Variants in ATP10A observed in about 807,000 individuals in gnomAD.
ATP10A encodes ATPase phospholipid transporting 10A (putative).
In ATP10A, 111 loss-of-function variants were observed where a neutral mutation model predicts 147.8. That is an observed-to-expected ratio of 0.75 (90% confidence interval 0.64 to 0.88). The LOEUF is 0.88. Among genes scored for constraint, ATP10A ranks in the 40% least tolerant of loss-of-function variants. ATP10A has a pLI of 0.00. For synonymous variants in ATP10A, 875 were observed against 841.6 expected (o/e 1.04, Z -0.69); for missense variants, 1,927 against 1,959.0 (o/e 0.98, Z 0.31).
At chr15:25,750,852 T>A (rs1888120793) in intron 2 of ATP10A, among the ~76,000 whole-genome samples, 1 of 151,916 alleles carries the variant, frequency 6.6e-6, no homozygotes, top group Non-Finnish European at 1.5e-5. Flanking sequence ...GAATTAAAGA[T>A]GTATCCAACA....
At chr15:25,702,538 G>A (rs1384352447) in intron 12 of ATP10A, among the ~76,000 whole-genome samples, 1 of 152,192 alleles carries the variant, frequency 6.6e-6, no homozygotes, top group Non-Finnish European at 1.5e-5. Flanking sequence ...TCTGGTGAAT[G>A]AAATTCAGAA....
At chr15:25,807,608 G>C (rs1048370581) in intron 1 of ATP10A, among the ~76,000 whole-genome samples, 9 of 152,094 alleles carry the variant, frequency 5.9e-5, no homozygotes, top group Non-Finnish European at 8.8e-5. Context: ...TTCGAGACCA[G>C]CCTGGCCAAC....
chr15:25,750,242 A>G (rs1888073931), intron 2 of ATP10A, among the ~76,000 whole-genome samples: 1 of 152,162 alleles, frequency 6.6e-6, no homozygotes, highest in Admixed American at 6.5e-5. Context: ...ATAAGAGCAG[A>G]TATTTCATTA....
intron 1 of ATP10A, among the ~76,000 whole-genome samples, chr15:25,804,326 G>A (rs947173764): frequency 1.2e-4 from 18 of 151,258 alleles, no homozygotes; most frequent in African/African-American, 4.4e-4. Flanking sequence ...TGTGCTTAGT[G>A]TGTGATATGA....
chr15:25,787,465 T>C (rs1890222694), intron 1 of ATP10A, among the ~76,000 whole-genome samples: 1 of 151,702 alleles, frequency 6.6e-6, no homozygotes, highest in South Asian at 2.1e-4. Context: ...AATACAAGAA[T>C]GAGCCAGGTG....
intron 12 of ATP10A, among the ~76,000 whole-genome samples, chr15:25,705,689 G>A (rs1427142126): frequency 1.3e-5 from 2 of 152,150 alleles, no homozygotes; most frequent in African/African-American, 2.4e-5. Context: ...GTTAACAACC[G>A]GTCTGTGGGA....
intron 2 of ATP10A, among the ~76,000 whole-genome samples, chr15:25,764,826 G>A (rs769457100): frequency 2.0e-5 from 3 of 152,186 alleles, no homozygotes; most frequent in African/African-American, 4.8e-5. Flanking sequence ...CTCTACCTTC[G>A]GGTTTAGGAG....
chr15:25,680,085 C>T lies in ATP10A; in HGVS notation c.3866+36G>A, dbSNP rs372743966. 6 of 1,603,376 alleles carry T rather than the reference C, an allele frequency of 3.7e-6. No homozygotes were observed. The East Asian group carries it at 6.7e-5, about 18-fold the overall frequency. ...AATGCCAATGTCGTCTGGGCTCACTCGGGGCTCAGAGGCACTATCCCGCTC... is the reference window on the plus strand; with the variant it reads ...AATGCCAATGTCGTCTGGGCTCACTTGGGGCTCAGAGGCACTATCCCGCTC... On this transcript the variant is annotated intron_variant, in intron 20 of 20. Coordinates refer to ENST00000555815, the MANE Select transcript of ATP10A (RefSeq NM_024490.4).
chr15:25,719,661 A>G (rs1902088492), intron 7 of ATP10A, among the ~76,000 whole-genome samples: 1 of 150,088 alleles, frequency 6.7e-6, no homozygotes, highest in South Asian at 2.1e-4. Flanking sequence ...CACGGCTGGT[A>G]TGTTGGTGTT....
intron 2 of ATP10A, among the ~76,000 whole-genome samples, chr15:25,738,816 G>C (rs1454404913): frequency 6.6e-6 from 1 of 152,172 alleles, no homozygotes; most frequent in Non-Finnish European, 1.5e-5. Context: ...ATTGTGCTAA[G>C]TGCCCTACAA....
At chr15:25,749,691 C>T (rs1358413510) in intron 2 of ATP10A, among the ~76,000 whole-genome samples, 1 of 152,062 alleles carries the variant, frequency 6.6e-6, no homozygotes, top group Non-Finnish European at 1.5e-5. Flanking sequence ...ATAGAAGAGA[C>T]ACAGATGTTA....
intron 1 of ATP10A, among the ~76,000 whole-genome samples, chr15:25,822,842 C>T (rs1891946724): frequency 6.6e-6 from 1 of 152,102 alleles, no homozygotes; most frequent in Non-Finnish European, 1.5e-5. Context: ...AAGTTTTAGC[C>T]AAATAGAATT....
Position 25,679,577 on chromosome 15 carries a change from T to C in ATP10A, c.4264A>G (p.Arg1422Gly), listed in dbSNP as rs1481738146. ...ESKVRAASTG[R>G]VTPLSSLFSL... ...AAGAGGGAAGACAGGGGGGTCACCC[T>C]GCCGGTGCTGGCAGCTCTCACCTTG... Residue 1422 changes from arginine to glycine, a missense_variant, in exon 21 of 21, where the codon AGG (arginine) becomes GGG (glycine). By Grantham distance (125) the Arg-to-Gly change is moderately radical (BLOSUM62 -2). Transcript: ENST00000555815. The C allele has an allele frequency of 8.7e-6, 14 of 1,610,706 alleles. No homozygotes were observed. The highest frequency in any genetic ancestry group is 1.2e-5 in the Non-Finnish European group (14 of 1,177,474).
At chr15:25,803,782 T>C (rs1426859963) in intron 1 of ATP10A, among the ~76,000 whole-genome samples, 3 of 152,304 alleles carry the variant, frequency 2.0e-5, no homozygotes, top group East Asian at 3.9e-4. Context: ...GATGGACAAC[T>C]CGCAAACCTC....
chr15:25,727,061 A>AAAAG lies in ATP10A; in HGVS notation c.847+98_847+99insCTTT, dbSNP rs1902620429. 1.9e-6 allele frequency: 2 copies of AAAAG among 1,058,822 alleles called. 1 individual carries two copies. The highest frequency in any genetic ancestry group is 2.8e-6 in the Non-Finnish European group (2 of 723,646). 65.6% of individuals were successfully genotyped at this position (1,058,822 alleles called of 1,614,324 possible). ...GACAGTGCGAGACTCGTCTCAAAAA[A>AAAAG]AAAAAATGAAAAAGAAAAAAGAAAA... On this transcript the variant is annotated intron_variant, in intron 4 of 20. Coordinates refer to ENST00000555815, the MANE Select transcript of ATP10A (RefSeq NM_024490.4).
intron 15 of ATP10A, among the ~76,000 whole-genome samples, chr15:25,688,600 C>A (rs1899831721): frequency 6.6e-6 from 1 of 152,050 alleles, no homozygotes; most frequent in South Asian, 2.1e-4. Context: ...AAAAATCAAA[C>A]AAAGTGGCAG....
intron 3 of ATP10A, among the ~76,000 whole-genome samples, chr15:25,732,937 C>T (rs1158044103): frequency 1.3e-5 from 2 of 151,980 alleles, no homozygotes; most frequent in Admixed American, 6.6e-5. Context: ...GACAGGCAGT[C>T]GATGATACCT....
At chr15:25,740,980 C>T (rs1274052551) in intron 2 of ATP10A, among the ~76,000 whole-genome samples, 4 of 152,190 alleles carry the variant, frequency 2.6e-5, no homozygotes, top group African/African-American at 9.6e-5. Context: ...TCTTGCCATC[C>T]TACAGCATCA....
intron 1 of ATP10A, among the ~76,000 whole-genome samples, chr15:25,817,400 G>T (rs1437013840): frequency 2.0e-5 from 3 of 152,120 alleles, no homozygotes; most frequent in Non-Finnish European, 4.4e-5. Flanking sequence ...CTAACAATGT[G>T]GTTTGTATCC....
Sources: gnomAD v4.1 joint callset for allele counts (sites outside exome capture counted in the v4.1 genomes callset) on GRCh38, gnomAD v4.1.1 for gene constraint, MANE v1.5 for transcripts, NCBI Gene and HGNC (gene_info 2026-07-23, HGNC 2026-07-21) for gene names.